SIGLEC1: variants seen among roughly 807,000 people sequenced by gnomAD.
The protein encoded by SIGLEC1 is sialoadhesin.
SIGLEC1 carries 132 observed loss-of-function variants against 148.0 expected under a neutral mutation model. The observed-to-expected ratio is 0.89, with a 90% CI of 0.77 to 1.03. SIGLEC1 has a LOEUF of 1.03. Ranked by LOEUF, SIGLEC1 falls within the 50% of genes least tolerant of loss-of-function variation. The probability of loss-of-function intolerance (pLI) is 0.00; values close to 1 mark genes in which losing one functional copy is unlikely to be tolerated. For missense variants in SIGLEC1, 2,253 were observed against 2,271.4 expected (o/e 0.99, Z 0.16); for synonymous variants, 945 against 969.0 (o/e 0.98, Z 0.46).
rs894239597 is a variant in SIGLEC1, at chr20:3,688,062, C to G, written c.*498G>C. 1 of 179,610 alleles carries G rather than the reference C, an allele frequency of 5.6e-6. No individual in the cohort carries two copies. The highest frequency in any genetic ancestry group is 1.2e-5 in the Non-Finnish European group (1 of 84,408). 11.1% of individuals were successfully genotyped at this position (179,610 alleles called of 1,614,324 possible). A position where few individuals can be genotyped will look rare whatever the true frequency, so the allele number is the denominator to read the frequency against. ...ATAGAAGGATCCTGAGCCCCAACAT[C>G]ATAAACCATCGTAACAGCCAGACTA... On this transcript the variant is annotated 3_prime_UTR_variant, in exon 22 of 22. Transcript: ENST00000344754.
chr20:3,690,248 G>T lies in SIGLEC1; in HGVS notation c.4608C>A (p.Pro1536=), dbSNP rs778884206. The change falls in exon 19 of 22, where the codon CCC becomes CCA. Residue 1536 remains proline (P), a synonymous_variant. Coordinates refer to ENST00000344754, the MANE Select transcript of SIGLEC1 (RefSeq NM_023068.4). The stretch of plus-strand genomic sequence containing the variant: ...CAGGCTCCACGAAGACCATCATGGT[G>T]GGCGTCTTGGGAGGGTCTGTGGGGA... ...MLRVLYPPKT[P]TMMVFVEPEG... 1.7e-4 allele frequency: 260 copies of T among 1,547,158 alleles called. 2 individuals are homozygous for T. The highest frequency in any genetic ancestry group is 5.4e-4 in the South Asian group (45 of 83,932).
At position 3,696,646 on chromosome 20, in the gene SIGLEC1, G is replaced by A. The variant is rs531993050; in HGVS notation, c.2623C>T (p.Arg875Cys). ...CCAAGAACATTTGTGGCCTCACAGC[G>A]GTAGCTGCCAGAGTCCCCAAGGCCC... ...ELGLGDSGSY[R>C]CEATNVLGSS... Residue 875 changes from arginine (R) to cysteine (C), a missense_variant, in exon 11 of 22, where the codon CGC (arginine) becomes TGC (cysteine). Transcript: ENST00000344754. 323 of 1,613,790 alleles carry A rather than the reference G, an allele frequency of 2.0e-4. 3 individuals carry two copies. In the South Asian group the frequency reaches 3.2e-3, roughly 16 times the overall value.
chr20:3,705,797 T>C lies in SIGLEC1; in HGVS notation c.653A>G (p.Gln218Arg), dbSNP rs1160088244. Residue 218 changes from glutamine (Q) to arginine (R), a missense_variant, in exon 4 of 22, where the codon CAG becomes CGG. Gln to Arg is a conservative substitution (Grantham distance 43, BLOSUM62 1). Transcript: ENST00000344754. ...AGCCCTGTGATTGGCCACGGAGAGCTGGCAGCGCAGGATCCGGCCGTGGTC... is the reference window on the plus strand; with the variant it reads ...AGCCCTGTGATTGGCCACGGAGAGCCGGCAGCGCAGGATCCGGCCGTGGTC... ...WQDHGRILRC[Q>R]LSVANHRAQS... is the part of the protein sequence containing the mutation. 6.2e-7 allele frequency: 1 copy of C among 1,613,812 alleles called. No homozygotes were observed. The highest frequency in any genetic ancestry group is 8.5e-7 in the Non-Finnish European group (1 of 1,179,870).
intron 7 of SIGLEC1, among the ~76,000 whole-genome samples, chr20:3,700,106 CTTTTTTTTTTTTT>C (rs58342380): frequency 8.3e-5 from 3 of 36,114 alleles, no homozygotes; most frequent in Admixed American, 5.6e-4. Flanking sequence ...CTGTGGCCAG[CTTTTTTTTTTTTT>C]TTTTTTTTTT....
intron 9 of SIGLEC1, 30 bp downstream of exon 9, chr20:3,697,768 C>G: frequency 3.7e-6 from 6 of 1,603,672 alleles, no homozygotes; most frequent in Non-Finnish European, 5.1e-6. Context: ...AGCCCCTGCC[C>G]CCAGGCCACC....
intron 5 of SIGLEC1, 121 bp downstream of exon 5, chr20:3,703,704 C>T (rs1215499473): frequency 9.7e-6 from 13 of 1,343,488 alleles, no homozygotes; most frequent in Non-Finnish European, 1.2e-5. Flanking sequence ...TCCACACCTG[C>T]ATCCAGGAAG....
intron 17 of SIGLEC1, 121 bp downstream of exon 17, chr20:3,691,782 G>A (rs1164387432): frequency 6.6e-6 from 9 of 1,359,808 alleles, no homozygotes; most frequent in Admixed American, 2.3e-5. Context: ...CACCAGATTA[G>A]GCTTCTCAAG....
chr20:3,709,210 A>G (rs1414851169), intron 1 of SIGLEC1, among the ~76,000 whole-genome samples: 1 of 152,184 alleles, frequency 6.6e-6, no homozygotes, highest in Non-Finnish European at 1.5e-5. Flanking sequence ...AACAACAACA[A>G]CCACCAAAAA....
At chr20:3,692,246 C>A in intron 16 of SIGLEC1, 44 bp from the exon 17 acceptor site, 1 of 1,490,818 alleles carries the variant, frequency 6.7e-7, no homozygotes, top group Non-Finnish European at 8.9e-7. Flanking sequence ...CTTAGGCACC[C>A]TGTACTGCTC....
rs749764583 is a variant in SIGLEC1 at position 3,699,302 on chromosome 20, G to C, written c.1686C>G (p.Leu562=). 1 of 1,608,816 alleles carries C rather than the reference G, an allele frequency of 6.2e-7. No homozygotes were observed. The highest frequency in any genetic ancestry group is 2.2e-5 in the East Asian group (1 of 44,698). The change falls in exon 8 of 22, where the codon CTC becomes CTG. Residue 562 remains leucine (L), a synonymous_variant. Coordinates refer to ENST00000344754, the MANE Select transcript of SIGLEC1 (RefSeq NM_023068.4). ...LHEGPGSSLL[L]PAASSTDAGS... is the part of the protein sequence containing the mutation. ...CGGCGTCAGTGCTGGAGGCCGCGGG[G>C]AGCAGGAGGCTGCTGCCGGGACCCT...
chr20:3,706,561 G>A lies in SIGLEC1; in HGVS notation c.195C>T (p.Gly65=), dbSNP rs767126749. Residue 65 remains glycine, a synonymous_variant, in exon 3 of 22, where the codon GGC becomes GGT. Transcript: ENST00000344754. ...ITAIWYYDYS[G]QRQVVSHSAD... is the part of the protein sequence containing the mutation. The stretch of plus-strand genomic sequence containing the variant: ...CCGAGTGGCTCACCACCTGCCGCTG[G>A]CCCGAGTAGTCGTAGTACCAGATGG... 1 of 1,612,766 alleles carries A rather than the reference G, an allele frequency of 6.2e-7. No individual in the cohort carries two copies. The highest frequency in any genetic ancestry group is 8.5e-7 in the Non-Finnish European group (1 of 1,179,862).
rs747155647 is a variant in SIGLEC1 at position 3,694,499 on chromosome 20, A to G, written c.2978T>C (p.Met993Thr). ...GCCCAGTCGTCCAGGGCCTGTGTCC[A>G]TCAGGGTAGTGAGTGTGACGTGGCG... ...APRHVTLTTL[M>T]DTGPGRLGLL... The change falls in exon 13 of 22, where the codon ATG becomes ACG. Residue 993 changes from methionine (M) to threonine (T), a missense_variant. Met to Thr is a moderately conservative substitution (Grantham distance 81). Transcript: ENST00000344754. 1.3e-6 allele frequency: 2 copies of G among 1,581,900 alleles called. No individual in the cohort carries two copies. Among genetic ancestry groups the G allele is most frequent in the African/African-American group, 2.7e-5 (2 of 74,336 alleles).
Position 3,692,760 on chromosome 20 carries a change from A to T in SIGLEC1, c.3791T>A (p.Ile1264Asn). ...AGGCACGGCAGCCTCCGGAGCCAGG[A>T]TCACCCGCACACCTGTGCCAAGGAG... ...LELRLEGVRVILAPEAAVPEG... is the reference protein window; with the variant it reads ...LELRLEGVRVNLAPEAAVPEG... Residue 1264 changes from isoleucine to asparagine, a missense_variant, in exon 16 of 22, where the codon ATC (isoleucine) becomes AAC (asparagine). Transcript: ENST00000344754. The T allele has an allele frequency of 6.2e-7, 1 of 1,610,662 alleles. No homozygotes were observed. The highest frequency in any genetic ancestry group is 8.5e-7 in the Non-Finnish European group (1 of 1,179,374).
chr20:3,694,648 G>A lies in SIGLEC1; in HGVS notation c.2944+15C>T. On this transcript the variant is annotated intron_variant, in intron 12 of 21. Transcript: ENST00000344754. ...CATTCCTTCCCCCACACCTGGATGG[G>A]ACAAAAGTCCTTACAGGACACGTGG... is the stretch of plus-strand genomic sequence containing the variant. The A allele has an allele frequency of 6.2e-7, 1 of 1,605,528 alleles. No individual in the cohort carries two copies. The highest frequency in any genetic ancestry group is 1.3e-5 in the African/African-American group (1 of 74,890).
chr20:3,696,014 T>G (rs2088816864), intron 11 of SIGLEC1, among the ~76,000 whole-genome samples: 1 of 151,860 alleles, frequency 6.6e-6, no homozygotes, highest in Non-Finnish European at 1.5e-5. Flanking sequence ...GCCAGGCTGG[T>G]CTTGAACTCC....
At position 3,692,952 on chromosome 20, in the gene SIGLEC1, C is replaced by G; in HGVS notation, c.3688G>C (p.Gly1230Arg). 1 of 1,612,684 alleles carries G rather than the reference C, an allele frequency of 6.2e-7. No individual in the cohort carries two copies. Among genetic ancestry groups the G allele is most frequent in the Non-Finnish European group, 8.5e-7 (1 of 1,179,918 alleles). Residue 1230 changes from glycine to arginine, a missense_variant, in exon 15 of 22, where the codon GGG (glycine) becomes CGG (arginine). Coordinates refer to ENST00000344754, the MANE Select transcript of SIGLEC1 (RefSeq NM_023068.4). ...AAACCCTCATCCCTGGGCTGTGGCC[C>G]TCGCAGCTCCAGGCGCAGGGTGTTG... The part of the protein sequence containing the change: ...VPNTLRLELR[G>R]PQPRDEGFYS...
At chr20:3,693,277 A>G (rs1232108132) in intron 14 of SIGLEC1, 146 bp from the exon 15 acceptor site, 3 of 1,199,236 alleles carry the variant, frequency 2.5e-6, no homozygotes, top group Non-Finnish European at 3.4e-6. Context: ...TCCTCTGCCC[A>G]GACAGGACTC....
intron 13 of SIGLEC1, among the ~76,000 whole-genome samples, 198 bp downstream of exon 13, chr20:3,694,023 T>A (rs1468743915): frequency 1.3e-5 from 2 of 152,180 alleles, no homozygotes; most frequent in Non-Finnish European, 2.9e-5. Flanking sequence ...TTTTATCCAC[T>A]GGGCATACTT....
Position 3,694,295 on chromosome 20 carries a change from T to C in SIGLEC1, c.3182A>G (p.Asp1061Gly), listed in dbSNP as rs756899772. Reference protein sequence around the residue: ...RLEIHGAMLEDEGVYICEASN... With the variant: ...RLEIHGAMLEGEGVYICEASN... ...GGCCTCACAGATATAGACACCCTCA[T>C]CCTCCAGCATAGCCCCGTGGATCTC... The change falls in exon 13 of 22, where the codon GAT becomes GGT. Residue 1061 changes from aspartate to glycine, a missense_variant. Transcript: ENST00000344754. 2 of 1,612,588 alleles carry C rather than the reference T, an allele frequency of 1.2e-6. No individual in the cohort carries two copies. Among genetic ancestry groups the C allele is most frequent in the Non-Finnish European group, 1.7e-6 (2 of 1,179,926 alleles).
Sources: gnomAD v4.1 joint callset for allele counts (sites outside exome capture counted in the v4.1 genomes callset) on GRCh38, gnomAD v4.1.1 for gene constraint, MANE v1.5 for transcripts, NCBI Gene and HGNC (gene_info 2026-07-23, HGNC 2026-07-21) for gene names.